GRK5: variants seen among roughly 807,000 people sequenced by gnomAD.
GRK5 encodes the protein g protein-coupled receptor kinase GRK5.
GRK5 carries 40 observed loss-of-function variants against 78.4 expected under a neutral mutation model. That is an observed-to-expected ratio of 0.51 (90% CI 0.40 to 0.66). The LOEUF (loss-of-function observed/expected upper bound fraction) is 0.66. GRK5 is among the 30% of genes least tolerant of loss of function. GRK5 has a pLI of 0.00. For missense variants in GRK5, 598 were observed against 759.9 expected (o/e 0.79, Z 2.50); for synonymous variants, 289 against 296.8 (o/e 0.97, Z 0.27).
chr10:119,404,356 TG>T (rs1852199927), intron 4 of GRK5, among the ~76,000 whole-genome samples: 2 of 152,242 alleles, frequency 1.3e-5, no homozygotes, highest in Admixed American at 1.3e-4. Flanking sequence ...ATTTTTGAAT[TG>T]GGTTGTTTGT....
At chr10:119,442,497 G>A (rs1157366858) in intron 11 of GRK5, among the ~76,000 whole-genome samples, 1 of 152,246 alleles carries the variant, frequency 6.6e-6, no homozygotes, top group Non-Finnish European at 1.5e-5. Flanking sequence ...CACCAAGCAT[G>A]ATTCCAGTAG....
intron 1 of GRK5, among the ~76,000 whole-genome samples, chr10:119,250,641 G>A (rs1849184534): frequency 6.6e-6 from 1 of 151,154 alleles, no homozygotes; most frequent in South Asian, 2.1e-4. Context: ...GAGCCACTGT[G>A]CCTGGCCCTA....
At chr10:119,281,773 G>A (rs1231196805) in intron 1 of GRK5, among the ~76,000 whole-genome samples, 8 of 152,216 alleles carry the variant, frequency 5.3e-5, no homozygotes, top group African/African-American at 1.7e-4. Context: ...CCGATCCCCC[G>A]AGGTGGCTGA....
chr10:119,368,183 C>T (rs1031668979), intron 2 of GRK5, among the ~76,000 whole-genome samples: 2 of 152,252 alleles, frequency 1.3e-5, no homozygotes, highest in Admixed American at 1.3e-4. Flanking sequence ...TGGGCATTGC[C>T]ATGTGAAGTC....
At chr10:119,262,736 C>T (rs934406841) in intron 1 of GRK5, among the ~76,000 whole-genome samples, 1 of 152,160 alleles carries the variant, frequency 6.6e-6, no homozygotes, top group Non-Finnish European at 1.5e-5. Flanking sequence ...TGGGATGGAG[C>T]TTCGAGTAGC....
In GRK5 at chr10:119,207,824, A is replaced by G; in HGVS notation, c.-94A>G. On this transcript the variant is annotated 5_prime_UTR_variant, in exon 1 of 16. Coordinates refer to ENST00000392870, the MANE Select transcript of GRK5 (RefSeq NM_005308.3). ...TGCTGGCTCCCCCGGCTCCGGCAGC[A>G]GCGGCGGCAGCCCGAGCAGCGGCAG... 8.2e-7 allele frequency: 1 copy of G among 1,221,612 alleles called. No homozygotes were observed. The highest frequency in any genetic ancestry group is 1.1e-6 in the Non-Finnish European group (1 of 880,384). The allele number at this position is 1,221,612 out of a possible 1,614,324, so 75.7% of individuals were successfully genotyped here.
chr10:119,235,441 G>A (rs1028121671), intron 1 of GRK5, among the ~76,000 whole-genome samples: 4 of 152,190 alleles, frequency 2.6e-5, no homozygotes, highest in African/African-American at 9.6e-5. Context: ...ATGTAAATGA[G>A]TTCCTCGGTG....
intron 1 of GRK5, among the ~76,000 whole-genome samples, chr10:119,292,480 C>A (rs778849142): frequency 2.6e-5 from 4 of 152,280 alleles, no homozygotes; most frequent in Middle Eastern, 3.4e-3. Context: ...TTTAAAAAAA[C>A]CCAATACCCT....
At chr10:119,442,254 G>C (rs891000340) in intron 11 of GRK5, among the ~76,000 whole-genome samples, 166 bp downstream of exon 11, 2 of 152,242 alleles carry the variant, frequency 1.3e-5, no homozygotes, top group Admixed American at 1.3e-4. Context: ...CCTTAGCCAG[G>C]GGGAGGGGGA....
chr10:119,282,111 T>C (rs982734070), intron 1 of GRK5, among the ~76,000 whole-genome samples: 1 of 152,198 alleles, frequency 6.6e-6, no homozygotes, highest in Admixed American at 6.5e-5. Context: ...ATTTGCCTTT[T>C]CACACAGCAC....
At chr10:119,234,959 GCTACCACGCCCGGC>G (rs1364455000) in intron 1 of GRK5, among the ~76,000 whole-genome samples, 27 of 151,698 alleles carry the variant, frequency 1.8e-4, no homozygotes, top group African/African-American at 6.5e-4. Context: ...ACAGACATGA[GCTACCACGCCCGGC>G]CTAATTAATT....
At chr10:119,348,603 T>C (rs1430187452) in intron 2 of GRK5, among the ~76,000 whole-genome samples, 1 of 152,210 alleles carries the variant, frequency 6.6e-6, no homozygotes, top group Non-Finnish European at 1.5e-5. Flanking sequence ...TCCAGGGCTC[T>C]AGAAGGTGGG....
chr10:119,270,794 A>G (rs1377025085), intron 1 of GRK5, among the ~76,000 whole-genome samples: 1 of 152,250 alleles, frequency 6.6e-6, no homozygotes, highest in Non-Finnish European at 1.5e-5. Flanking sequence ...TAGGTGTAAC[A>G]ATAGGCATTT....
intron 3 of GRK5, among the ~76,000 whole-genome samples, chr10:119,381,489 G>GCT (rs1851709471): frequency 6.6e-6 from 1 of 152,236 alleles, no homozygotes; most frequent in Non-Finnish European, 1.5e-5. Context: ...GCTCCACTGG[G>GCT]CTCTGGCATG....
At position 119,336,694 on chromosome 10, in the gene GRK5, C is replaced by T. The variant is rs1042130405; in HGVS notation, c.148+10083C>T. ...CTGGCACGTGAGCTCTTGATTTCAT[C>T]GTCAGGGAAACCAAGTCTCTGCAGA... On this transcript the variant is annotated intron_variant, in intron 2 of 15. Coordinates refer to ENST00000392870, the MANE Select transcript of GRK5 (RefSeq NM_005308.3). This position sits in a 1 kb window ranked among gnomAD's most constrained non-coding sequence, Gnocchi z 4.5. 3.9e-5 allele frequency among the ~76,000 whole-genome samples: 6 copies of T among 152,192 alleles called. No homozygotes were observed. Among genetic ancestry groups the T allele is most frequent in the Admixed American group, 6.5e-5 (1 of 15,286 alleles).
intron 1 of GRK5, among the ~76,000 whole-genome samples, chr10:119,313,581 A>T (rs934775364): frequency 1.8e-4 from 28 of 152,112 alleles, no homozygotes; most frequent in African/African-American, 6.5e-4. Context: ...TGCAGTGAAG[A>T]TGTCATGAGG....
chr10:119,275,514 TC>T (rs1849653425), intron 1 of GRK5, among the ~76,000 whole-genome samples: 2 of 152,086 alleles, frequency 1.3e-5, no homozygotes, highest in South Asian at 4.1e-4. Flanking sequence ...ACCCTTTATT[TC>T]CTATGATAAA....
chr10:119,415,933 C>A (rs1320961500), intron 4 of GRK5, among the ~76,000 whole-genome samples: 2 of 152,180 alleles, frequency 1.3e-5, no homozygotes, highest in African/African-American at 2.4e-5. Context: ...GTCCTCTGAT[C>A]TCCACCTCCT....
intron 1 of GRK5, among the ~76,000 whole-genome samples, chr10:119,265,483 T>TAGAAGA (rs904450730): frequency 1.3e-5 from 2 of 152,046 alleles, no homozygotes; most frequent in Admixed American, 6.6e-5. Context: ...TTAGTGCCTT[T>TAGAAGA]AGAAGAAGAA....
Sources: allele counts gnomAD v4.1 joint callset (sites outside exome capture counted in the v4.1 genomes callset), GRCh38; gene constraint gnomAD v4.1.1; non-coding constraint Gnocchi (gnomAD v3.1); transcripts MANE v1.5; gene names NCBI Gene and HGNC (gene_info 2026-07-23, HGNC 2026-07-21).